The following TIMM23 variants were observed in gnomAD, a reference collection of about 807,000 sequenced individuals.
The protein encoded by TIMM23 is translocase of inner mitochondrial membrane 23, also known as mitochondrial import inner membrane translocase subunit Tim23.
TIMM23 carries 19 observed loss-of-function variants against 30.7 expected under a neutral mutation model. The ratio of observed to expected loss-of-function variants is 0.62; its 90% confidence interval spans 0.43 to 0.91. The LOEUF (loss-of-function observed/expected upper bound fraction) is 0.91, where lower values mean the gene tolerates loss of function less well. Ranked by LOEUF, TIMM23 falls within the 40% of genes least tolerant of loss-of-function variation. The probability of loss-of-function intolerance (pLI) is 0.00; values close to 1 mark genes in which losing one functional copy is unlikely to be tolerated. For missense variants in TIMM23, 202 were observed against 269.2 expected, an observed-to-expected ratio of 0.75 and a Z score of 1.75; for synonymous variants, 78 against 98.5, an observed-to-expected ratio of 0.79 and a Z score of 1.23.
intron 5 of TIMM23, among the ~76,000 whole-genome samples, chr10:45,987,138 CAGGTGTT>C (rs1296562921): frequency 6.6e-6 from 1 of 151,556 alleles, no homozygotes; most frequent in East Asian, 1.9e-4. Flanking sequence ...TATTTGTTGC[CAGGTGTT>C]TGCTATTAGA....
intron 6 of TIMM23, among the ~76,000 whole-genome samples, chr10:46,000,369 C>T (rs145365947): frequency 1.3e-3 from 205 of 152,316 alleles, no homozygotes; most frequent in Middle Eastern, 6.8e-3. Flanking sequence ...TGGCTTCAGC[C>T]GGTCCCTCCG....
chr10:45,999,018 A>G (rs1838434326), intron 6 of TIMM23, among the ~76,000 whole-genome samples: 1 of 152,056 alleles, frequency 6.6e-6, no homozygotes, highest in African/African-American at 2.4e-5. Context: ...TATTTAATAG[A>G]GATGGGGTTT....
intron 6 of TIMM23, among the ~76,000 whole-genome samples, chr10:45,993,301 A>G (rs1389976813): frequency 6.9e-6 from 1 of 144,496 alleles, no homozygotes; most frequent in African/African-American, 2.6e-5. Flanking sequence ...ACTGGAGTGC[A>G]ATGGCATGAT....
At chr10:45,986,108 A>C (rs1162142074) in intron 5 of TIMM23, among the ~76,000 whole-genome samples, 6 of 152,220 alleles carry the variant, frequency 3.9e-5, no homozygotes, top group African/African-American at 1.4e-4. Flanking sequence ...TGGCAGATTA[A>C]GGAGGGGAAG....
intron 6 of TIMM23, among the ~76,000 whole-genome samples, chr10:45,991,500 C>T (rs1175479070): frequency 0.042 from 6,334 of 152,118 alleles, 445 homozygotes; most frequent in African/African-American, 0.14. Flanking sequence ...GCCTGTAATC[C>T]CAGCACTTTG....
chr10:46,002,485 G>A (rs1838574734), intron 6 of TIMM23: 1 of 984,530 alleles, frequency 1.0e-6, no homozygotes, highest in Admixed American at 6.2e-5. Context: ...AATCTTCAAG[G>A]TTAATATTTG....
At chr10:45,981,633 A>G (rs1366193881) in intron 2 of TIMM23, among the ~76,000 whole-genome samples, 1 of 152,148 alleles carries the variant, frequency 6.6e-6, no homozygotes, top group Non-Finnish European at 1.5e-5. Context: ...ATCAACGTTC[A>G]GTATTTGCCA....
intron 1 of TIMM23, among the ~76,000 whole-genome samples, chr10:45,973,685 C>A (rs1172888860): frequency 2.0e-5 from 3 of 152,058 alleles, no homozygotes; most frequent in Non-Finnish European, 1.5e-5. Flanking sequence ...GTTCTGTCAC[C>A]CATATTGGGG....
At position 45,988,902 on chromosome 10, in the gene TIMM23, A is replaced by T; in HGVS notation, c.514+55A>T. On this transcript the variant is annotated intron_variant, in intron 6 of 6. Coordinates refer to ENST00000580018, the MANE Select transcript of TIMM23 (RefSeq NM_006327.4). ...TTAATACACTTGAAGTGCGCTTTTT[A>T]AAATTCATGGTTTTCAAGGAAATTA... is the stretch of plus-strand genomic sequence containing the variant. The T allele has an allele frequency of 2.6e-6, 4 of 1,556,786 alleles. No individual in the cohort carries two copies. The South Asian group carries it at 3.3e-5, about 13-fold the overall frequency.
intron 2 of TIMM23, among the ~76,000 whole-genome samples, chr10:45,982,034 T>TA (rs1288212046): frequency 3.3e-5 from 5 of 152,174 alleles, no homozygotes; most frequent in Non-Finnish European, 5.9e-5. Flanking sequence ...CTTAAACAGA[T>TA]AAGAATTATT....
chr10:46,002,424 C>T (rs1838572816), intron 6 of TIMM23: 2 of 741,010 alleles, frequency 2.7e-6, no homozygotes, highest in South Asian at 1.2e-4. Context: ...CTGCCTCAGC[C>T]TCCCAAAGTG....
chr10:45,980,183 A>G (rs1182479444), intron 2 of TIMM23, among the ~76,000 whole-genome samples: 1 of 151,218 alleles, frequency 6.6e-6, no homozygotes, highest in Non-Finnish European at 1.5e-5. Flanking sequence ...ACTTTTATTT[A>G]TACTTTTGAA....
chr10:45,980,257 C>CT (rs1165632314), intron 2 of TIMM23, among the ~76,000 whole-genome samples: 67 of 144,388 alleles, frequency 4.6e-4, no homozygotes, highest in African/African-American at 1.2e-3. Context: ...TTGGCAACAA[C>CT]TTTTTTTTTT....
intron 6 of TIMM23, among the ~76,000 whole-genome samples, chr10:45,997,861 C>T (rs1838394861): frequency 6.6e-6 from 1 of 152,174 alleles, no homozygotes; most frequent in Non-Finnish European, 1.5e-5. Flanking sequence ...TGTGAATGTA[C>T]TTAATGCCTC....
intron 4 of TIMM23, among the ~76,000 whole-genome samples, chr10:45,983,873 AG>A (rs1171925401): frequency 6.6e-6 from 1 of 152,122 alleles, no homozygotes; most frequent in Non-Finnish European, 1.5e-5. Flanking sequence ...CCTCCCGAGT[AG>A]CTGGGACTAC....
At chr10:45,973,202 A>G (rs1425090833) in intron 1 of TIMM23, among the ~76,000 whole-genome samples, 1 of 152,188 alleles carries the variant, frequency 6.6e-6, no homozygotes, top group Admixed American at 6.5e-5. Flanking sequence ...GGGACAGGCT[A>G]GGAAACCTTC....
intron 4 of TIMM23, among the ~76,000 whole-genome samples, chr10:45,985,004 G>A (rs1837954587): frequency 6.6e-6 from 1 of 152,102 alleles, no homozygotes; most frequent in Non-Finnish European, 1.5e-5. Context: ...ATAGTTAACA[G>A]TGGCATTTTT....
chr10:45,977,901 G>A (rs1486460609), intron 2 of TIMM23, among the ~76,000 whole-genome samples: 1 of 151,750 alleles, frequency 6.6e-6, no homozygotes, highest in Non-Finnish European at 1.5e-5. Flanking sequence ...CGTGGTGCTG[G>A]GCGCCTGTAA....
chr10:45,974,162 G>T (rs1554912458), intron 1 of TIMM23, among the ~76,000 whole-genome samples: 3 of 149,894 alleles, frequency 2.0e-5, no homozygotes, highest in African/African-American at 4.9e-5. Flanking sequence ...TTTTTGTGGG[G>T]GTTTTTTTTG....
Sources: allele counts gnomAD v4.1 joint callset (sites outside exome capture counted in the v4.1 genomes callset), GRCh38; gene constraint gnomAD v4.1.1; transcripts MANE v1.5; gene names NCBI Gene and HGNC (gene_info 2026-07-23, HGNC 2026-07-21).